The following DPYD variants were observed in gnomAD, a reference collection of about 807,000 sequenced individuals.
DPYD encodes dihydropyrimidine dehydrogenase [NADP(+)].
DPYD carries 109 observed loss-of-function variants against 116.2 expected under a neutral mutation model. The observed-to-expected ratio is 0.94, with a 90% confidence interval of 0.80 to 1.10. The LOEUF (loss-of-function observed/expected upper bound fraction) is 1.10, where lower values mean the gene tolerates loss of function less well. Ranked by LOEUF, DPYD falls within the 50% of genes least tolerant of loss-of-function variation. The pLI is 0.00. For missense variants in DPYD, 1,302 were observed against 1,254.5 expected (o/e 1.04, Z -0.57); for synonymous variants, 440 against 432.0 (o/e 1.02, Z -0.23).
At chr1:97,084,011 T>C (rs779725315) in intron 21 of DPYD, among the ~76,000 whole-genome samples, 4 of 152,114 alleles carry the variant, frequency 2.6e-5, no homozygotes, top group African/African-American at 9.7e-5. Context: ...AAGAGACTAC[T>C]TGATAAGTTT....
chr1:97,092,693 T>A (rs1417125883), intron 21 of DPYD, among the ~76,000 whole-genome samples: 1 of 152,090 alleles, frequency 6.6e-6, no homozygotes. Flanking sequence ...AATTCCTTTA[T>A]CAATTTCAAT....
At chr1:97,612,098 T>G (rs747276955) in intron 8 of DPYD, among the ~76,000 whole-genome samples, 2 of 152,046 alleles carry the variant, frequency 1.3e-5, no homozygotes, top group African/African-American at 2.4e-5. Context: ...GATCCCCTTA[T>G]GCCCTGTATT....
At chr1:97,438,258 T>C (rs1054639610) in intron 14 of DPYD, among the ~76,000 whole-genome samples, 27 of 151,986 alleles carry the variant, frequency 1.8e-4, no homozygotes, top group African/African-American at 6.0e-4. Flanking sequence ...ACAAAAAAGG[T>C]TTGCTAATAT....
At chr1:97,136,548 T>C (rs1653815778) in intron 20 of DPYD, among the ~76,000 whole-genome samples, 1 of 151,984 alleles carries the variant, frequency 6.6e-6, no homozygotes, top group Non-Finnish European at 1.5e-5. Context: ...TATCTTAGTA[T>C]CTCTCTCATG....
intron 16 of DPYD, among the ~76,000 whole-genome samples, chr1:97,354,618 A>C (rs1249388297): frequency 6.6e-6 from 1 of 152,208 alleles, no homozygotes; most frequent in East Asian, 1.9e-4. Flanking sequence ...AAAAATCAGA[A>C]CAAGTTATGG....
Position 97,816,353 on chromosome 1 carries a change from C to G in DPYD, c.233+11761G>C, listed in dbSNP as rs1668605778. On this transcript the variant is annotated intron_variant, in intron 3 of 22. Transcript: ENST00000370192. Reference sequence around the variant, plus strand: ...GACTACAAGAAAAGTATTCAAGATTCACTAATTTATTAAATATGCATTGAC... The same window carrying G: ...GACTACAAGAAAAGTATTCAAGATTGACTAATTTATTAAATATGCATTGAC... 4.6e-5 allele frequency among the ~76,000 whole-genome samples: 7 copies of G among 151,852 alleles called. No individual in the cohort carries two copies. The South Asian group carries it at 1.5e-3, about 32-fold the overall frequency.
chr1:97,814,118 G>A lies in DPYD; in HGVS notation c.233+13996C>T, dbSNP rs140943266. Among the ~76,000 whole-genome samples, 446 of 152,238 alleles carry A rather than the reference G, an allele frequency of 2.9e-3. 5 individuals are homozygous for A. Among genetic ancestry groups the A allele is most frequent in the African/African-American group, 0.01 (430 of 41,528 alleles). ...GATCTCTTTTGGAAAAGATGACACT[G>A]AAGCTGAGAGCTGAATAGCAAGAAG... On this transcript the variant is annotated intron_variant, in intron 3 of 22. Coordinates refer to ENST00000370192, the MANE Select transcript of DPYD (RefSeq NM_000110.4).
intron 18 of DPYD, among the ~76,000 whole-genome samples, chr1:97,276,362 C>T (rs1206462472): frequency 2.0e-5 from 3 of 152,064 alleles, no homozygotes; most frequent in African/African-American, 7.2e-5. Context: ...ACAGCTTAAA[C>T]AGAGAGCCTA....
intron 10 of DPYD, among the ~76,000 whole-genome samples, chr1:97,574,299 T>C (rs1489485647): frequency 6.6e-6 from 1 of 152,108 alleles, no homozygotes; most frequent in Admixed American, 6.6e-5. Context: ...TTCAATTCAG[T>C]AGATTAAGGT....
intron 8 of DPYD, among the ~76,000 whole-genome samples, chr1:97,626,163 C>T (rs1259570360): frequency 2.0e-5 from 3 of 151,926 alleles, no homozygotes; most frequent in South Asian, 2.1e-4. Context: ...TGAATAAACT[C>T]GTATTTCCCA....
At chr1:97,890,734 G>C (rs889941886) in intron 1 of DPYD, among the ~76,000 whole-genome samples, 3 of 151,804 alleles carry the variant, frequency 2.0e-5, no homozygotes, top group African/African-American at 7.2e-5. Flanking sequence ...AACATTTAAA[G>C]CAAACCAGCC....
intron 16 of DPYD, among the ~76,000 whole-genome samples, chr1:97,333,057 A>G (rs1669096924): frequency 1.7e-5 from 2 of 120,752 alleles, no homozygotes; most frequent in African/African-American, 3.8e-5. Flanking sequence ...CCAACTGCTA[A>G]TTCTTTTTTT....
At chr1:97,632,671 C>A (rs1475633696) in intron 8 of DPYD, among the ~76,000 whole-genome samples, 1 of 152,076 alleles carries the variant, frequency 6.6e-6, no homozygotes, top group African/African-American at 2.4e-5. Flanking sequence ...CCAAGTTCAA[C>A]TGATTGAAAT....
intron 16 of DPYD, among the ~76,000 whole-genome samples, chr1:97,323,803 T>A (rs1668562719): frequency 6.6e-6 from 1 of 151,212 alleles, no homozygotes; most frequent in East Asian, 1.9e-4. Flanking sequence ...TCTTTATATT[T>A]TGGCTGTCTG....
chr1:97,123,853 C>A (rs1652631636), intron 20 of DPYD, among the ~76,000 whole-genome samples: 1 of 151,996 alleles, frequency 6.6e-6, no homozygotes, highest in Admixed American at 6.6e-5. Context: ...TCGGCAGACA[C>A]CTTTATTGAG....
intron 2 of DPYD, among the ~76,000 whole-genome samples, chr1:97,842,496 T>C (rs901603873): frequency 6.6e-6 from 1 of 152,046 alleles, no homozygotes; most frequent in African/African-American, 2.4e-5. Flanking sequence ...TTTAATACAA[T>C]TGAGTAATCC....
chr1:97,801,950 TCTC>T (rs1667867875), intron 3 of DPYD, among the ~76,000 whole-genome samples: 2 of 151,846 alleles, frequency 1.3e-5, no homozygotes, highest in Non-Finnish European at 2.9e-5. Flanking sequence ...ACTTAACATA[TCTC>T]CTTTTAATAT....
intron 2 of DPYD, among the ~76,000 whole-genome samples, chr1:97,845,887 C>G (rs1461003868): frequency 6.6e-6 from 1 of 152,244 alleles, no homozygotes; most frequent in East Asian, 1.9e-4. Context: ...TGTGGTACAT[C>G]TGATCCAGCT....
At chr1:97,493,594 T>C (rs868147827) in intron 13 of DPYD, among the ~76,000 whole-genome samples, 6 of 152,032 alleles carry the variant, frequency 3.9e-5, no homozygotes, top group African/African-American at 1.4e-4. Flanking sequence ...ATTCATGGGA[T>C]GTAAAACATC....
Sources: allele counts gnomAD v4.1 joint callset (sites outside exome capture counted in the v4.1 genomes callset), GRCh38; gene constraint gnomAD v4.1.1; transcripts MANE v1.5; gene names NCBI Gene and HGNC (gene_info 2026-07-23, HGNC 2026-07-21).